NPEPPS: variants seen among roughly 807,000 people sequenced by gnomAD.
NPEPPS encodes aminopeptidase puromycin sensitive, also known as puromycin-sensitive aminopeptidase.
Under a neutral mutation model 115.5 loss-of-function variants are expected in NPEPPS, and 14 were observed. That is an observed-to-expected ratio of 0.12 (90% CI 0.08 to 0.19). The LOEUF (loss-of-function observed/expected upper bound fraction) is 0.19. Among genes scored for constraint, NPEPPS ranks in the 10% least tolerant of loss-of-function variants. The pLI is 1.00. For missense variants in NPEPPS, 523 were observed against 1,110.8 expected, an observed-to-expected ratio of 0.47 and a Z score of 7.52; for synonymous variants, 285 against 390.6, an observed-to-expected ratio of 0.73 and a Z score of 3.19.
intron 14 of NPEPPS, 139 bp from the exon 15 acceptor site, chr17:47,601,469 A>C (rs1415435802): frequency 1.2e-6 from 1 of 822,532 alleles, no homozygotes; most frequent in East Asian, 2.6e-5. Flanking sequence ...GGTTATCTGG[A>C]AGAGTTCATG....
At chr17:47,596,293 CT>C in intron 12 of NPEPPS, 59 bp from the exon 13 acceptor site, 2 of 1,109,242 alleles carry the variant, frequency 1.8e-6, no homozygotes, top group South Asian at 1.7e-5. Context: ...AATAAAATTT[CT>C]TTTTTGTTTA....
At chr17:47,583,313 G>T (rs1435930954) in intron 5 of NPEPPS, among the ~76,000 whole-genome samples, 1 of 152,074 alleles carries the variant, frequency 6.6e-6, no homozygotes, top group African/African-American at 2.4e-5. Flanking sequence ...GGCTGGATAT[G>T]GTGGCTTACA....
intron 1 of NPEPPS, among the ~76,000 whole-genome samples, chr17:47,539,284 C>T (rs1015005014): frequency 1.3e-5 from 2 of 152,088 alleles, no homozygotes; most frequent in Non-Finnish European, 2.9e-5. Flanking sequence ...GTATGTGAGT[C>T]AGTGGGAAAT....
rs528544710 is a variant in NPEPPS at position 47,551,103 on chromosome 17, A to G, written c.340+5110A>G. On this transcript the variant is annotated intron_variant, in intron 2 of 22. Transcript: ENST00000322157. ...CTCAATGGAACTTTACTCTGAAGATATACTCTTCCATTTAAATACTAGTTC... is the reference window on the plus strand; with the variant it reads ...CTCAATGGAACTTTACTCTGAAGATGTACTCTTCCATTTAAATACTAGTTC... Among the ~76,000 whole-genome samples the G allele has an allele frequency of 5.9e-5, 9 of 152,324 alleles. No homozygotes were observed. The South Asian group carries it at 1.9e-3, about 32-fold the overall frequency.
intron 9 of NPEPPS, among the ~76,000 whole-genome samples, chr17:47,589,807 C>G (rs914211834): frequency 6.6e-6 from 1 of 152,150 alleles, no homozygotes; most frequent in African/African-American, 2.4e-5. Context: ...CTCAGTTTCT[C>G]TTGAACATTC....
intron 2 of NPEPPS, among the ~76,000 whole-genome samples, chr17:47,552,255 G>C (rs562119372): frequency 1.3e-5 from 2 of 152,250 alleles, no homozygotes; most frequent in South Asian, 4.1e-4. Context: ...GAGCCACTGT[G>C]CTTGGCCCTT....
At chr17:47,575,224 A>G (rs1414914889) in intron 3 of NPEPPS, among the ~76,000 whole-genome samples, 4 of 152,224 alleles carry the variant, frequency 2.6e-5, no homozygotes, top group Non-Finnish European at 1.5e-5. Flanking sequence ...TTTCAAAACT[A>G]TACCCTGCTT....
At position 47,622,772 on chromosome 17, in the gene NPEPPS, T is replaced by C. The variant is rs17609248; in HGVS notation, c.*852T>C. On this transcript the variant is annotated 3_prime_UTR_variant, in exon 23 of 23. Transcript: ENST00000322157. ...CCTGAAATTTATATAGGTGAGACAATAGAAATAAAAAGATCTTCAGCCAGG... is the reference window on the plus strand; with the variant it reads ...CCTGAAATTTATATAGGTGAGACAACAGAAATAAAAAGATCTTCAGCCAGG... The C allele has an allele frequency of 0.017, 7,413 of 424,350 alleles. 93 individuals carry two copies. Among genetic ancestry groups the C allele is most frequent in the Middle Eastern group, 0.037 (96 of 2,566 alleles). 26.3% of individuals were successfully genotyped at this position (424,350 alleles called of 1,614,324 possible). A position where few individuals can be genotyped will look rare whatever the true frequency, so the allele number is the denominator to read the frequency against.
chr17:47,617,573 T>C (rs1198256414), intron 19 of NPEPPS, among the ~76,000 whole-genome samples: 2 of 151,270 alleles, frequency 1.3e-5, no homozygotes, highest in African/African-American at 4.8e-5. Flanking sequence ...ATGTTTATGA[T>C]ATATTCTTAA....
rs376975784 is a variant in NPEPPS at position 47,605,472 on chromosome 17, A to T, written c.2015A>T (p.Tyr672Phe). ...LSTLLSHTDFYEEIQEFVKDV... is the reference protein window; with the variant it reads ...LSTLLSHTDFFEEIQEFVKDV... ...ACTCTCTTGTCCCACACAGACTTCT[A>T]TGAGGAAATCCAGGAGTTTGTGAAA... The change falls in exon 17 of 23, where the codon TAT (tyrosine) becomes TTT (phenylalanine). Residue 672 changes from tyrosine to phenylalanine, a missense_variant. Tyr to Phe is a conservative substitution (Grantham distance 22, BLOSUM62 3). Transcript: ENST00000322157. 2.5e-6 allele frequency: 4 copies of T among 1,607,802 alleles called. No individual in the cohort carries two copies. In the African/African-American group the frequency reaches 5.3e-5, roughly 21 times the overall value.
intron 1 of NPEPPS, among the ~76,000 whole-genome samples, chr17:47,524,799 C>T (rs903719751): frequency 3.3e-5 from 5 of 151,132 alleles, no homozygotes; most frequent in East Asian, 1.9e-4. Flanking sequence ...CCACCGTGCC[C>T]GGCCAATTTT....
At chr17:47,597,433 T>C (rs1187120910) in intron 13 of NPEPPS, among the ~76,000 whole-genome samples, 7 of 152,236 alleles carry the variant, frequency 4.6e-5, no homozygotes, top group African/African-American at 1.7e-4. Flanking sequence ...TTAATTCCTG[T>C]TCATTTTTAG....
intron 2 of NPEPPS, among the ~76,000 whole-genome samples, chr17:47,568,674 A>T (rs1273911883): frequency 6.7e-6 from 1 of 150,150 alleles, no homozygotes; most frequent in African/African-American, 2.5e-5. Context: ...TTTTTTTTTG[A>T]GACAGAGTTT....
At chr17:47,540,421 A>G (rs1433764180) in intron 1 of NPEPPS, among the ~76,000 whole-genome samples, 1 of 152,208 alleles carries the variant, frequency 6.6e-6, no homozygotes, top group Non-Finnish European at 1.5e-5. Flanking sequence ...CACACAGCTA[A>G]TATTTACTAA....
At chr17:47,602,586 C>T (rs1037241742) in intron 15 of NPEPPS, among the ~76,000 whole-genome samples, 1 of 145,460 alleles carries the variant, frequency 6.9e-6, no homozygotes, top group Non-Finnish European at 1.5e-5. Flanking sequence ...TGCAGTGAGC[C>T]GAGATCGTGC....
At chr17:47,535,019 C>T (rs1487145176) in intron 1 of NPEPPS, among the ~76,000 whole-genome samples, 41 of 151,090 alleles carry the variant, frequency 2.7e-4, no homozygotes, top group Middle Eastern at 3.4e-3. Context: ...CCGAGGCGGG[C>T]GGATCACGAG....
intron 2 of NPEPPS, among the ~76,000 whole-genome samples, chr17:47,558,753 G>A (rs1910230210): frequency 2.0e-5 from 3 of 152,066 alleles, no homozygotes; most frequent in African/African-American, 7.2e-5. Flanking sequence ...AGGGTCTTGC[G>A]GCTGGGTGTG....
intron 19 of NPEPPS, among the ~76,000 whole-genome samples, chr17:47,616,029 T>G (rs1415439043): frequency 6.6e-6 from 1 of 152,186 alleles, no homozygotes; most frequent in African/African-American, 2.4e-5. Context: ...TGGACTAGAA[T>G]AACAGTTCTC....
chr17:47,601,554 A>C, intron 14 of NPEPPS, 54 bp from the exon 15 acceptor site: 2 of 1,606,418 alleles, frequency 1.2e-6, no homozygotes, highest in South Asian at 2.2e-5. Flanking sequence ...TCCTCTCTCC[A>C]CCTTACCTTC....
Sources: allele counts gnomAD v4.1 joint callset (sites outside exome capture counted in the v4.1 genomes callset), GRCh38; gene constraint gnomAD v4.1.1; transcripts MANE v1.5; gene names NCBI Gene and HGNC (gene_info 2026-07-23, HGNC 2026-07-21).